Variants in OLA1 observed in about 807,000 individuals in gnomAD.
OLA1 encodes the protein obg-like ATPase 1.
A neutral mutation model predicts 48.4 loss-of-function variants in OLA1; 14 were observed. The observed-to-expected ratio is 0.29, with a 90% CI of 0.19 to 0.45. The LOEUF (loss-of-function observed/expected upper bound fraction) is 0.45, where lower values mean the gene tolerates loss of function less well. Among genes scored for constraint, OLA1 ranks in the 20% least tolerant of loss-of-function variants. The pLI, the probability that OLA1 is intolerant of heterozygous loss-of-function variation, is 1.00. For missense variants in OLA1, 325 were observed against 467.1 expected (o/e 0.70, Z 2.80); for synonymous variants, 127 against 150.4 (o/e 0.84, Z 1.14).
At chr2:174,098,750 G>C (rs1223670436) in intron 7 of OLA1, among the ~76,000 whole-genome samples, 1 of 152,134 alleles carries the variant, frequency 6.6e-6, no homozygotes, top group African/African-American at 2.4e-5. Flanking sequence ...GACGTACACA[G>C]AAAATGCTTA....
chr2:174,147,050 C>G (rs1375579410), intron 4 of OLA1, among the ~76,000 whole-genome samples: 1 of 152,104 alleles, frequency 6.6e-6, no homozygotes, highest in African/African-American at 2.4e-5. Flanking sequence ...ACCACACATA[C>G]CATCAAGAGC....
chr2:174,221,598 C>T (rs1461347080), intron 4 of OLA1, among the ~76,000 whole-genome samples: 1 of 152,186 alleles, frequency 6.6e-6, no homozygotes, highest in Non-Finnish European at 1.5e-5. Context: ...CCCGATCCTT[C>T]TGTCACGTGT....
intron 7 of OLA1, among the ~76,000 whole-genome samples, chr2:174,104,435 G>T (rs567121969): frequency 6.6e-6 from 1 of 152,114 alleles, no homozygotes; most frequent in Non-Finnish European, 1.5e-5. Context: ...GATCATAAAA[G>T]AATAAATATT....
chr2:174,101,852 A>T (rs576123659), intron 7 of OLA1, among the ~76,000 whole-genome samples: 1 of 152,364 alleles, frequency 6.6e-6, no homozygotes, highest in South Asian at 2.1e-4. Context: ...AATATCATAT[A>T]TAAAAGAAGA....
intron 8 of OLA1, 118 bp downstream of exon 8, chr2:174,081,806 G>T: frequency 1.0e-6 from 1 of 976,114 alleles, no homozygotes; most frequent in Non-Finnish European, 1.5e-6. Context: ...GAAAGGAGAA[G>T]ATTCCCTCTT....
chr2:174,078,617 T>C (rs1208893460), intron 10 of OLA1, among the ~76,000 whole-genome samples: 1 of 152,004 alleles, frequency 6.6e-6, no homozygotes, highest in East Asian at 1.9e-4. Flanking sequence ...TATAAGCATA[T>C]ATATTATACT....
At chr2:174,113,164 C>G (rs993929084) in intron 7 of OLA1, among the ~76,000 whole-genome samples, 12 of 152,142 alleles carry the variant, frequency 7.9e-5, no homozygotes, top group African/African-American at 2.9e-4. Context: ...AGGTTGATCT[C>G]AAACTCCTGA....
chr2:174,217,289 C>T (rs1480381946), intron 4 of OLA1, among the ~76,000 whole-genome samples: 2 of 151,976 alleles, frequency 1.3e-5, no homozygotes, highest in African/African-American at 4.8e-5. Flanking sequence ...CTCTCGCACT[C>T]CTGGGCTCAA....
At chr2:174,076,747 A>ATG (rs1291338337) in intron 10 of OLA1, among the ~76,000 whole-genome samples, 3 of 150,846 alleles carry the variant, frequency 2.0e-5, no homozygotes, top group Non-Finnish European at 3.0e-5. Flanking sequence ...TTAAAGGCAT[A>ATG]TGTGTGTGTG....
At chr2:174,136,191 G>A (rs1013345534) in intron 5 of OLA1, among the ~76,000 whole-genome samples, 8 of 152,068 alleles carry the variant, frequency 5.3e-5, no homozygotes, top group East Asian at 3.8e-4. Context: ...TGAAAACAAC[G>A]AAGTTTGCCA....
rs1684808236 is a variant in OLA1 at position 174,079,074 on chromosome 2, G to A, written c.983C>T (p.Pro328Leu). The A allele has an allele frequency of 1.2e-6, 2 of 1,601,554 alleles. No individual in the cohort carries two copies. The highest frequency in any genetic ancestry group is 4.5e-5 in the East Asian group (2 of 44,158). The part of the protein sequence containing the change: ...AWTIRKGTKA[P>L]QAAGKIHTDF... ...TGTGTGAATCTTTCCTGCAGCCTGAGGAGCCTTAGTCCCTTTCTTTGAAAA... is the reference window on the plus strand; with the variant it reads ...TGTGTGAATCTTTCCTGCAGCCTGAAGAGCCTTAGTCCCTTTCTTTGAAAA... Residue 328 changes from proline (P) to leucine (L), a missense_variant, in exon 10 of 11, where the codon CCT becomes CTT. Coordinates refer to ENST00000284719, the MANE Select transcript of OLA1 (RefSeq NM_013341.5).
intron 2 of OLA1, among the ~76,000 whole-genome samples, chr2:174,245,931 G>A (rs1387197063): frequency 2.6e-5 from 4 of 151,716 alleles, no homozygotes; most frequent in African/African-American, 9.7e-5. Context: ...AGTTGCGTGT[G>A]TATAGAGTTA....
At chr2:174,109,430 G>A (rs1574486185) in intron 7 of OLA1, among the ~76,000 whole-genome samples, 2 of 152,200 alleles carry the variant, frequency 1.3e-5, no homozygotes, top group Middle Eastern at 6.8e-3. Context: ...CCATAATCAT[G>A]AACTGTGTAA....
At chr2:174,095,330 T>TG (rs1685224366) in intron 7 of OLA1, among the ~76,000 whole-genome samples, 4 of 88,500 alleles carry the variant, frequency 4.5e-5, no homozygotes, top group African/African-American at 1.4e-4. Context: ...TTCCTGTTTT[T>TG]TTTTTTTTTT....
intron 3 of OLA1, among the ~76,000 whole-genome samples, chr2:174,227,887 TG>T (rs1484030692): frequency 6.6e-6 from 1 of 151,964 alleles, no homozygotes; most frequent in Admixed American, 6.6e-5. Flanking sequence ...TAAGTGAAAG[TG>T]AAAAAAGTGA....
chr2:174,123,576 CATG>C lies in OLA1; in HGVS notation c.630+16_630+18del. On this transcript the variant is annotated intron_variant, in intron 6 of 10. Coordinates refer to ENST00000284719, the MANE Select transcript of OLA1 (RefSeq NM_013341.5). ...TGAAAGCAAAGGCAGTAATAGATGG[CATG>C]ATATTTACAACTTACCTCTTTGTCA... 4.8e-6 allele frequency: 7 copies of C among 1,463,186 alleles called. No individual in the cohort carries two copies. In the South Asian group the frequency reaches 7.4e-5, roughly 16 times the overall value. 90.6% of individuals were successfully genotyped at this position (1,463,186 alleles called of 1,614,324 possible). A position where few individuals can be genotyped will look rare whatever the true frequency, so the allele number is the denominator to read the frequency against.
chr2:174,174,457 T>C (rs945059017), intron 4 of OLA1, among the ~76,000 whole-genome samples: 8 of 152,022 alleles, frequency 5.3e-5, no homozygotes, highest in Admixed American at 2.0e-4. Context: ...GAAATTCATT[T>C]GACAAAATTC....
intron 4 of OLA1, among the ~76,000 whole-genome samples, chr2:174,183,825 G>A (rs767155684): frequency 6.6e-6 from 1 of 152,110 alleles, no homozygotes; most frequent in Non-Finnish European, 1.5e-5. Flanking sequence ...CTCAATAAAC[G>A]GTACTCAATA....
At chr2:174,123,414 AG>A in intron 6 of OLA1, 137 bp from the exon 7 acceptor site, 1 of 604,424 alleles carries the variant, frequency 1.7e-6, no homozygotes, top group Non-Finnish European at 2.8e-6. Context: ...CCAAAAGATT[AG>A]TGGTTATGAA....
Sources: gnomAD v4.1 joint callset for allele counts (sites outside exome capture counted in the v4.1 genomes callset) on GRCh38, gnomAD v4.1.1 for gene constraint, MANE v1.5 for transcripts, NCBI Gene and HGNC (gene_info 2026-07-23, HGNC 2026-07-21) for gene names.